Variants in OR2A42 observed in about 807,000 individuals in gnomAD.
The protein encoded by OR2A42 is olfactory receptor 2A1/2A42.
For missense variants in OR2A42, 3 were observed against 104.1 expected, an observed-to-expected ratio of 0.03 and a Z score of 4.23; for synonymous variants, 5 against 46.4, an observed-to-expected ratio of 0.11 and a Z score of 3.63.
intron 2 of OR2A42, among the ~76,000 whole-genome samples, chr7:144,238,103 C>T (rs1186464602): frequency 3.5e-5 from 4 of 113,974 alleles, no homozygotes; most frequent in African/African-American, 1.5e-4. Context: ...ATGAACCTGA[C>T]AAGCATTGCC....
rs1185162246 is a variant in OR2A42, at chr7:144,228,689, GT to G, written c.*3221del. The G allele has an allele frequency of 7.7e-6, 1 of 129,338 alleles. No homozygotes were observed. Among genetic ancestry groups the G allele is most frequent in the East Asian group, 2.4e-4 (1 of 4,168 alleles). The allele number at this position is 129,338 out of a possible 1,614,324, so 8.0% of individuals were successfully genotyped here. The stretch of plus-strand genomic sequence containing the variant: ...AAAGTGTCCTCTATGTATTCCGTAT[GT>G]TTTTTGTGAGTACTCACTCTGTGCT... On this transcript the variant is annotated 3_prime_UTR_variant, in exon 3 of 3. Coordinates refer to ENST00000641810, the MANE Select transcript of OR2A42 (RefSeq NM_001001802.3).
intron 1 of OR2A42, 195 bp from the exon 2 acceptor site, chr7:144,238,938 A>C (rs1429185035): frequency 6.7e-6 from 1 of 149,886 alleles, no homozygotes; most frequent in African/African-American, 2.5e-5. Context: ...GTTCAAGTGA[A>C]CCTGTCAGGA....
At position 144,238,672 on chromosome 7, in the gene OR2A42, G is replaced by A. The variant is rs1469255398; in HGVS notation, c.-245C>T. On this transcript the variant is annotated 5_prime_UTR_variant, in exon 2 of 3. Coordinates refer to ENST00000641810, the MANE Select transcript of OR2A42 (RefSeq NM_001001802.3). ...AGAAAAGGAGGTGTTATTCTCTGAT[G>A]TGCTCAGCCTGGTTGACAGCTGAGG... 1 of 151,118 alleles carries A rather than the reference G, an allele frequency of 6.6e-6. No homozygotes were observed. Among genetic ancestry groups the A allele is most frequent in the African/African-American group, 2.4e-5 (1 of 41,272 alleles). The allele number at this position is 151,118 out of a possible 1,614,324, so 9.4% of individuals were successfully genotyped here.
At chr7:144,237,577 A>C (rs1161467577) in intron 2 of OR2A42, among the ~76,000 whole-genome samples, 3 of 149,944 alleles carry the variant, frequency 2.0e-5, no homozygotes, top group Middle Eastern at 3.5e-3. Flanking sequence ...ACAACAAAAA[A>C]AAAACCAAAA....
At position 144,232,630 on chromosome 7, in the gene OR2A42, AG is replaced by A. The variant is rs911647029; in HGVS notation, c.213del (p.Tyr72ThrfsTer26). The A allele has an allele frequency of 1.4e-6, 1 of 697,780 alleles. No individual in the cohort carries two copies. Among genetic ancestry groups the A allele is most frequent in the African/African-American group, 2.6e-5 (1 of 37,862 alleles). The allele number at this position is 697,780 out of a possible 1,614,324, so 43.2% of individuals were successfully genotyped here. On this transcript the variant is annotated frameshift_variant, in exon 3 of 3. Transcript: ENST00000641810. LOFTEE classifies it low-confidence loss of function (END_TRUNC). Reference protein sequence around the residue: ...FLSHLAVVDIAYTRNTVPQML... With the variant: ...FLSHLAVVDIXYTRNTVPQML... ...ATCTGGGGCACCGTGTTGCGGGTGT[AG>A]GCGATGTCGACGACAGCCAGGTGTG...
At chr7:144,237,861 G>C (rs1199597239) in intron 2 of OR2A42, among the ~76,000 whole-genome samples, 11 of 148,658 alleles carry the variant, frequency 7.4e-5, no homozygotes, top group African/African-American at 2.5e-4. Context: ...GTGGTCAGAT[G>C]CACATTTATT....
At position 144,228,292 on chromosome 7, in the gene OR2A42, T is replaced by G. The variant is rs1479908487; in HGVS notation, c.*3619A>C. ...TATGAACAGGCCTGTTGCCAACCAT[T>G]CAGGAGATGAATATCAGGAGGTCCT... is the stretch of plus-strand genomic sequence containing the variant. On this transcript the variant is annotated 3_prime_UTR_variant, in exon 3 of 3. Transcript: ENST00000641810. 7.4e-6 allele frequency: 1 copy of G among 135,692 alleles called. No homozygotes were observed. 8.4% of individuals were successfully genotyped at this position (135,692 alleles called of 1,614,324 possible). A position where few individuals can be genotyped will look rare whatever the true frequency, so the allele number is the denominator to read the frequency against.
At chr7:144,237,408 AT>A (rs2052442368) in intron 2 of OR2A42, among the ~76,000 whole-genome samples, 1 of 131,822 alleles carries the variant, frequency 7.6e-6, no homozygotes, top group Non-Finnish European at 1.6e-5. Flanking sequence ...TTTAAATGAG[AT>A]TTTCTTTGTA....
At position 144,230,538 on chromosome 7, in the gene OR2A42, T is replaced by TGTGC. The variant is rs1165910078; in HGVS notation, c.*1372_*1373insGCAC. On this transcript the variant is annotated 3_prime_UTR_variant, in exon 3 of 3. Coordinates refer to ENST00000641810, the MANE Select transcript of OR2A42 (RefSeq NM_001001802.3). ...GTGCGTATATGTGTGTGTGTGTGTG[T>TGTGC]GCGCGCACGCATGTACGTGAGCATG... 1 of 147,730 alleles carries TGTGC rather than the reference T, an allele frequency of 6.8e-6. No individual in the cohort carries two copies. Among genetic ancestry groups the TGTGC allele is most frequent in the African/African-American group, 2.6e-5 (1 of 39,096 alleles). 9.2% of individuals were successfully genotyped at this position (147,730 alleles called of 1,614,324 possible). A position where few individuals can be genotyped will look rare whatever the true frequency, so the allele number is the denominator to read the frequency against.
intron 2 of OR2A42, among the ~76,000 whole-genome samples, chr7:144,235,762 G>A (rs1431860352): frequency 6.6e-6 from 1 of 151,874 alleles, no homozygotes; most frequent in Admixed American, 6.6e-5. Context: ...CCAAAGGGTT[G>A]GCAAAAGTGA....
chr7:144,235,235 G>C (rs1213945585), intron 2 of OR2A42, among the ~76,000 whole-genome samples: 5 of 147,506 alleles, frequency 3.4e-5, no homozygotes, highest in Non-Finnish European at 6.0e-5. Flanking sequence ...GGGATTGTAG[G>C]CATGAACCGT....
rs1357156695 is a variant in OR2A42 at position 144,229,637 on chromosome 7, A to G, written c.*2274T>C. 6.8e-6 allele frequency: 1 copy of G among 147,076 alleles called. No individual in the cohort carries two copies. The allele number at this position is 147,076 out of a possible 1,614,324, so 9.1% of individuals were successfully genotyped here. On this transcript the variant is annotated 3_prime_UTR_variant, in exon 3 of 3. Transcript: ENST00000641810. Reference sequence around the variant, plus strand: ...TCCTCACCTTTGTCCTGCCACTTGAATGTATCCCTTCCCAGTGTTAGTTGC... The same window carrying G: ...TCCTCACCTTTGTCCTGCCACTTGAGTGTATCCCTTCCCAGTGTTAGTTGC...
At chr7:144,237,748 A>T (rs1423009275) in intron 2 of OR2A42, among the ~76,000 whole-genome samples, 1 of 150,130 alleles carries the variant, frequency 6.7e-6, no homozygotes, top group Non-Finnish European at 1.5e-5. Flanking sequence ...ATGAGAAAGC[A>T]AAACATTAAT....
chr7:144,235,549 A>G (rs1326162589), intron 2 of OR2A42, among the ~76,000 whole-genome samples: 1 of 152,134 alleles, frequency 6.6e-6, no homozygotes, highest in East Asian at 1.9e-4. Flanking sequence ...GTAAATACTT[A>G]CTGTGTGGAC....
intron 2 of OR2A42, among the ~76,000 whole-genome samples, chr7:144,237,745 A>G (rs1171276795): frequency 6.7e-6 from 1 of 150,152 alleles, no homozygotes; most frequent in African/African-American, 2.5e-5. Context: ...AATATGAGAA[A>G]GCAAAACATT....
At chr7:144,235,131 A>AT (rs1195173328) in intron 2 of OR2A42, among the ~76,000 whole-genome samples, 4 of 146,750 alleles carry the variant, frequency 2.7e-5, no homozygotes, top group East Asian at 1.9e-4. Flanking sequence ...TTAAATAAAT[A>AT]TTTTTTGTAC....
chr7:144,230,063 C>T lies in OR2A42; in HGVS notation c.*1848G>A, dbSNP rs2052352245. 6.9e-6 allele frequency: 1 copy of T among 145,782 alleles called. No homozygotes were observed. The highest frequency in any genetic ancestry group is 1.5e-5 in the Non-Finnish European group (1 of 65,852). 9.0% of individuals were successfully genotyped at this position (145,782 alleles called of 1,614,324 possible). On this transcript the variant is annotated 3_prime_UTR_variant, in exon 3 of 3. Coordinates refer to ENST00000641810, the MANE Select transcript of OR2A42 (RefSeq NM_001001802.3). ...CCGTCAAGAGGCTCCTCCTCCGTCT[C>T]TGACCCTTGGAGTCACAGTTCCTTC...
At position 144,230,243 on chromosome 7, in the gene OR2A42, A is replaced by T. The variant is rs2052355782; in HGVS notation, c.*1668T>A. 2 of 115,752 alleles carry T rather than the reference A, an allele frequency of 1.7e-5. No individual in the cohort carries two copies. Among genetic ancestry groups the T allele is most frequent in the African/African-American group, 3.4e-5 (1 of 29,748 alleles). The allele number at this position is 115,752 out of a possible 1,614,324, so 7.2% of individuals were successfully genotyped here. A position where few individuals can be genotyped will look rare whatever the true frequency, so the allele number is the denominator to read the frequency against. ...GGCTAGAGATTGAAAATTGCTTTTC[A>T]TCTCTCCTCCTCTTCATCTTTGGAA... On this transcript the variant is annotated 3_prime_UTR_variant, in exon 3 of 3. Coordinates refer to ENST00000641810, the MANE Select transcript of OR2A42 (RefSeq NM_001001802.3).
rs1194486310 is a variant in OR2A42, at chr7:144,229,641, A to G, written c.*2270T>C. 1.4e-5 allele frequency: 2 copies of G among 147,588 alleles called. No homozygotes were observed. The highest frequency in any genetic ancestry group is 3.0e-5 in the Non-Finnish European group (2 of 66,536). The allele number at this position is 147,588 out of a possible 1,614,324, so 9.1% of individuals were successfully genotyped here. ...CACCTTTGTCCTGCCACTTGAATGT[A>G]TCCCTTCCCAGTGTTAGTTGCAATG... On this transcript the variant is annotated 3_prime_UTR_variant, in exon 3 of 3. Transcript: ENST00000641810.
Sources: gnomAD v4.1 joint callset for allele counts (sites outside exome capture counted in the v4.1 genomes callset) on GRCh38, gnomAD v4.1.1 for gene constraint, MANE v1.5 for transcripts, NCBI Gene and HGNC (gene_info 2026-07-23, HGNC 2026-07-21) for gene names.